CFAP70: variants seen among roughly 807,000 people sequenced by gnomAD.
CFAP70 encodes the protein cilia- and flagella-associated protein 70.
In CFAP70, 81 loss-of-function variants were observed where a neutral mutation model predicts 137.6. The observed-to-expected ratio is 0.59, with a 90% CI of 0.49 to 0.71. The LOEUF (loss-of-function observed/expected upper bound fraction) is 0.71. Ranked by LOEUF, CFAP70 falls within the 30% of genes least tolerant of loss-of-function variation. The pLI is 0.00. For missense variants in CFAP70, 976 were observed against 1,226.7 expected (o/e 0.80, Z 3.05); for synonymous variants, 382 against 423.6 (o/e 0.90, Z 1.20).
chr10:73,353,786 G>C, intron 2 of CFAP70, 44 bp from the exon 3 acceptor site: 1 of 1,580,742 alleles, frequency 6.3e-7, no homozygotes, highest in Non-Finnish European at 8.6e-7. Flanking sequence ...TTCAAATAGA[G>C]AATTTTCCCA....
chr10:73,324,434 C>G (rs1297797776), intron 8 of CFAP70, among the ~76,000 whole-genome samples: 1 of 152,228 alleles, frequency 6.6e-6, no homozygotes, highest in Non-Finnish European at 1.5e-5. Flanking sequence ...AGTGCCTCTC[C>G]TACTCCAAAG....
At chr10:73,254,672 G>T (rs2044292822) in intron 26 of CFAP70, among the ~76,000 whole-genome samples, 2 of 152,170 alleles carry the variant, frequency 1.3e-5, no homozygotes, top group African/African-American at 4.8e-5. Flanking sequence ...ACCTGGAGAA[G>T]CCCTTTATTT....
chr10:73,353,785 A>C lies in CFAP70; in HGVS notation c.64-43T>G, dbSNP rs375844739. On this transcript the variant is annotated intron_variant, in intron 2 of 26. Coordinates refer to ENST00000310715, the Ensembl canonical transcript of CFAP70. ...CCACTTTACAATTATATTCAAATAG[A>C]GAATTTTCCCACACATCTGGTAACC... 3,658 of 1,584,990 alleles carry C rather than the reference A, an allele frequency of 2.3e-3. 8 individuals are homozygous for C. The highest frequency in any genetic ancestry group is 2.9e-3 in the Non-Finnish European group (3,338 of 1,164,922).
intron 15 of CFAP70, 163 bp from the exon 17 acceptor site, chr10:73,293,551 A>C: frequency 5.7e-6 from 3 of 525,408 alleles, no homozygotes; most frequent in Non-Finnish European, 6.4e-6. Context: ...ATAAGAGTGA[A>C]CCAGGAGAGA....
intron 25 of CFAP70, among the ~76,000 whole-genome samples, chr10:73,264,498 T>C (rs2045571940): frequency 6.6e-6 from 1 of 152,238 alleles, no homozygotes; most frequent in Admixed American, 6.5e-5. Flanking sequence ...GGTCATTCTA[T>C]CCTTCTTGTT....
At chr10:73,259,817 G>C (rs1490744033) in intron 25 of CFAP70, among the ~76,000 whole-genome samples, 2 of 152,106 alleles carry the variant, frequency 1.3e-5, no homozygotes, top group African/African-American at 2.4e-5. Context: ...GATCGCTCGA[G>C]CCCATGTGTT....
In CFAP70 at chr10:73,351,069, GTGTATATATATATATATATATATA is replaced by G. The variant is rs1393489177; in HGVS notation, c.250+2463_250+2486del. Among the ~76,000 whole-genome samples, 75 of 50,562 alleles carry G rather than the reference GTGTATATATATATATATATATATA, an allele frequency of 1.5e-3. 1 individual carries two copies. The highest frequency in any genetic ancestry group is 7.9e-3 in the East Asian group (13 of 1,642). The allele number at this position is 50,562 out of a possible 152,430, so 33.2% of individuals were successfully genotyped here. ...TATGTGTGTGTGTGTGTGTGTGTGT[GTGTATATATATATATATATATATA>G]TATATATATATATATATATGTATGT... On this transcript the variant is annotated intron_variant, in intron 3 of 26. Transcript: ENST00000310715.
At chr10:73,360,118 C>T (rs180994099), upstream of CFAP70, among the ~76,000 whole-genome samples, 1 of 152,098 alleles carries the variant, frequency 6.6e-6, no homozygotes, top group East Asian at 1.9e-4. Context: ...CTCTGTGAAT[C>T]GCATACCACC....
At chr10:73,303,426 G>A (rs982744061) in intron 12 of CFAP70, among the ~76,000 whole-genome samples, 1 of 151,688 alleles carries the variant, frequency 6.6e-6, no homozygotes. Context: ...CACTGTGTTA[G>A]CCAGGATGGT....
chr10:73,278,190 G>T, exon 20 of CFAP70: 1 of 1,613,090 alleles, frequency 6.2e-7, no homozygotes. Context: ...TTTCTTTGTT[G>T]GTATCTCCTT....
upstream of CFAP70, among the ~76,000 whole-genome samples, chr10:73,361,010 T>C (rs972313619): frequency 5.3e-5 from 8 of 152,088 alleles, no homozygotes; most frequent in African/African-American, 1.9e-4. Context: ...TCTTTTTTTT[T>C]TTTTTTAAGA....
At chr10:73,293,471 A>C in intron 15 of CFAP70, 83 bp from the exon 17 acceptor site, 1 of 1,274,592 alleles carries the variant, frequency 7.8e-7, no homozygotes, top group Non-Finnish European at 1.1e-6. Context: ...CCGATGTGAG[A>C]TCCAGTTATG....
At chr10:73,322,566 TAAA>T (rs143744938) in intron 9 of CFAP70, among the ~76,000 whole-genome samples, 14 of 105,634 alleles carry the variant, frequency 1.3e-4, no homozygotes, top group South Asian at 9.6e-4. Flanking sequence ...CCCACATCTC[TAAA>T]AAAAAAAAAA....
At chr10:73,262,421 A>C (rs753742638) in intron 25 of CFAP70, among the ~76,000 whole-genome samples, 22 of 152,104 alleles carry the variant, frequency 1.4e-4, no homozygotes, top group Non-Finnish European at 2.5e-4. Context: ...TATTTTACTT[A>C]ATAATGGACT....
chr10:73,282,505 C>T (rs1180817101), intron 19 of CFAP70, among the ~76,000 whole-genome samples: 1 of 152,120 alleles, frequency 6.6e-6, no homozygotes, highest in Non-Finnish European at 1.5e-5. Flanking sequence ...GACATTAAAA[C>T]AGGGTCTGCA....
chr10:73,313,265 G>A (rs1338808621), intron 9 of CFAP70, among the ~76,000 whole-genome samples: 7 of 151,764 alleles, frequency 4.6e-5, no homozygotes, highest in African/African-American at 4.8e-5. Context: ...CCAGCTACTC[G>A]GGAGGCTGAG....
chr10:73,290,698 A>C (rs1369157275), intron 19 of CFAP70, among the ~76,000 whole-genome samples: 4 of 152,200 alleles, frequency 2.6e-5, no homozygotes, highest in South Asian at 2.1e-4. Context: ...AAGGGAGTAC[A>C]TAAATAAATA....
chr10:73,291,082 A>G (rs757819190), intron 19 of CFAP70, 144 bp downstream of exon 20: 3 of 669,414 alleles, frequency 4.5e-6, no homozygotes, highest in South Asian at 1.8e-5. Flanking sequence ...TGGCATGATC[A>G]CAGCTCACTG....
chr10:73,279,586 A>G (rs1017540618), intron 19 of CFAP70, among the ~76,000 whole-genome samples: 14 of 151,124 alleles, frequency 9.3e-5, no homozygotes, highest in African/African-American at 3.2e-4. Flanking sequence ...AAGTTGGGCG[A>G]GGTGACTCAC....
Sources: allele counts gnomAD v4.1 joint callset (sites outside exome capture counted in the v4.1 genomes callset), GRCh38; gene constraint gnomAD v4.1.1; transcripts MANE v1.5; gene names NCBI Gene and HGNC (gene_info 2026-07-23, HGNC 2026-07-21).